FAM227A: variants seen among roughly 807,000 people sequenced by gnomAD.
The protein encoded by FAM227A is protein FAM227A.
In FAM227A, 80 loss-of-function variants were observed where a neutral mutation model predicts 74.7. That is an observed-to-expected ratio of 1.07 (90% CI 0.89 to 1.29). FAM227A has a LOEUF of 1.29. FAM227A is among the 50% of genes most tolerant of loss of function. The pLI, the probability that FAM227A is intolerant of heterozygous loss-of-function variation, is 0.00. For synonymous variants in FAM227A, 237 were observed against 241.8 expected (o/e 0.98, Z 0.19); for missense variants, 654 against 683.4 (o/e 0.96, Z 0.48).
intron 5 of FAM227A, 145 bp downstream of exon 5, chr22:38,638,601 T>G (rs2145663899): frequency 1.5e-6 from 1 of 668,916 alleles, no homozygotes; most frequent in South Asian, 1.7e-5. Flanking sequence ...AAGGGTGTTA[T>G]GAGAAATTCT....
chr22:38,592,966 G>A (rs2090969485), intron 15 of FAM227A, among the ~76,000 whole-genome samples: 1 of 152,160 alleles, frequency 6.6e-6, no homozygotes, highest in African/African-American at 2.4e-5. Flanking sequence ...TTATTCCATG[G>A]CTAAAACTTA....
intron 3 of FAM227A, among the ~76,000 whole-genome samples, chr22:38,643,287 G>A (rs1345779318): frequency 2.0e-5 from 3 of 151,248 alleles, no homozygotes. Flanking sequence ...CTGCACTCCT[G>A]CCCGGGTGAC....
rs868655898 is a variant in FAM227A at position 38,646,292 on chromosome 22, C to T, written c.143-647G>A. Among the ~76,000 whole-genome samples the T allele has an allele frequency of 4.5e-3, 570 of 125,872 alleles. 3 individuals are homozygous for T. The highest frequency in any genetic ancestry group is 0.017 in the African/African-American group (553 of 32,794). 82.6% of individuals were successfully genotyped at this position (125,872 alleles called of 152,430 possible). On this transcript the variant is annotated intron_variant, in intron 2 of 16. Transcript: ENST00000535113. ...TTTTTTTTTTTGAGACGGAGTCTCG[C>T]TCTGTCGCCCAGGCTGGAGTGCAGT... is the stretch of plus-strand genomic sequence containing the variant.
intron 13 of FAM227A, among the ~76,000 whole-genome samples, chr22:38,604,993 T>C (rs1207599643): frequency 5.9e-5 from 9 of 152,088 alleles, no homozygotes; most frequent in African/African-American, 2.2e-4. Flanking sequence ...TTACTTTTAG[T>C]ATCACTTATT....
Position 38,636,437 on chromosome 22 carries a change from T to C in FAM227A, c.519+14A>G. The C allele has an allele frequency of 6.5e-7, 1 of 1,550,130 alleles. No homozygotes were observed. The highest frequency in any genetic ancestry group is 8.7e-7 in the Non-Finnish European group (1 of 1,146,470). ...GGGTTGGCAAACTCAGGGCAGGCAC[T>C]GCTTTTTCCTCACCTTGCCACTAAG... On this transcript the variant is annotated intron_variant, in intron 6 of 16. Coordinates refer to ENST00000535113, the MANE Select transcript of FAM227A (RefSeq NM_001013647.2).
rs1212388105 is a variant in FAM227A, at chr22:38,639,674, G to A, written c.276C>T (p.Arg92=). 1 of 1,551,902 alleles carries A rather than the reference G, an allele frequency of 6.4e-7. No individual in the cohort carries two copies. The highest frequency in any genetic ancestry group is 8.7e-7 in the Non-Finnish European group (1 of 1,147,008). ...LEKKALREKT[R]SSPEDKVKRQ... is the part of the protein sequence containing the mutation. ...TTTTGCCTTTGTCTTCTGGACTGCT[G>A]CGAGTTTTCTCTCTTAAAGCCTTCT... is the stretch of plus-strand genomic sequence containing the variant. The change falls in exon 4 of 17, where the codon CGC becomes CGT. Residue 92 remains arginine (R), a synonymous_variant. Transcript: ENST00000535113.
rs933100331 is a variant in FAM227A, at chr22:38,591,654, T to C, written c.1533-114A>G. 2.5e-5 allele frequency: 18 copies of C among 711,246 alleles called. No homozygotes were observed. The highest frequency in any genetic ancestry group is 1.3e-4 in the African/African-American group (7 of 54,114). 44.1% of individuals were successfully genotyped at this position (711,246 alleles called of 1,614,324 possible). A position where few individuals can be genotyped will look rare whatever the true frequency, so the allele number is the denominator to read the frequency against. On this transcript the variant is annotated intron_variant, in intron 15 of 16. Coordinates refer to ENST00000535113, the MANE Select transcript of FAM227A (RefSeq NM_001013647.2). ...CACGTGACCATTTACAAAACATGCA[T>C]TGAAGTATAACATAGAAACTAGGAG...
intron 3 of FAM227A, among the ~76,000 whole-genome samples, chr22:38,640,120 G>A (rs532210587): frequency 1.1e-4 from 16 of 151,740 alleles, no homozygotes; most frequent in South Asian, 4.2e-4. Context: ...TGCAAGCTCC[G>A]CCTCCTGGGT....
chr22:38,597,912 A>G (rs1329905725), intron 14 of FAM227A, among the ~76,000 whole-genome samples: 1 of 152,068 alleles, frequency 6.6e-6, no homozygotes, highest in Non-Finnish European at 1.5e-5. Flanking sequence ...GCATGGTGGC[A>G]CATGCCTGTA....
At chr22:38,626,029 A>T in intron 9 of FAM227A, 151 bp downstream of exon 9, 1 of 724,994 alleles carries the variant, frequency 1.4e-6, no homozygotes, top group Non-Finnish European at 2.2e-6. Context: ...TTGGGGCTCC[A>T]ACCACATACT....
chr22:38,616,880 T>C (rs2091589064), intron 11 of FAM227A, among the ~76,000 whole-genome samples: 1 of 151,172 alleles, frequency 6.6e-6, no homozygotes, highest in South Asian at 2.1e-4. Context: ...GGGACTGACC[T>C]GGGAGGGGAG....
Position 38,582,927 on chromosome 22 carries a change from G to C in FAM227A, c.*3198C>G. 6.4e-7 allele frequency: 1 copy of C among 1,550,546 alleles called. No homozygotes were observed. Among genetic ancestry groups the C allele is most frequent in the Non-Finnish European group, 8.7e-7 (1 of 1,147,000 alleles). ...ACGTCTAAGCGGGGTCCTGGAGGAAGAGCAGGAATTAGTGATGTTGGCAGT... is the reference window on the plus strand; with the variant it reads ...ACGTCTAAGCGGGGTCCTGGAGGAACAGCAGGAATTAGTGATGTTGGCAGT... On this transcript the variant is annotated 3_prime_UTR_variant, in exon 17 of 17. Transcript: ENST00000535113.
chr22:38,628,144 C>T, intron 8 of FAM227A, 94 bp downstream of exon 8: 1 of 761,284 alleles, frequency 1.3e-6, no homozygotes, highest in Non-Finnish European at 2.2e-6. Flanking sequence ...ACTAATTACT[C>T]CCTTATGTAA....
intron 2 of FAM227A, among the ~76,000 whole-genome samples, chr22:38,647,289 A>C (rs1299897482): frequency 6.6e-6 from 1 of 152,020 alleles, no homozygotes; most frequent in African/African-American, 2.4e-5. Context: ...ACATGGTGAA[A>C]TCCCGTCTCT....
chr22:38,616,356 G>A (rs999875050), intron 11 of FAM227A, among the ~76,000 whole-genome samples: 2 of 152,116 alleles, frequency 1.3e-5, no homozygotes, highest in Non-Finnish European at 2.9e-5. Flanking sequence ...AGAGATGGGG[G>A]TACAGAGGCA....
chr22:38,655,392 A>G lies in FAM227A; in HGVS notation c.-95+728T>C, dbSNP rs141441187. ...TAAAAATACAAAAAATTAGCCGGGC[A>G]TGGTGGTGGGTGCCTGTAATTCCAG... On this transcript the variant is annotated intron_variant, in intron 1 of 16. Transcript: ENST00000535113. Among the ~76,000 whole-genome samples, 830 of 151,776 alleles carry G rather than the reference A, an allele frequency of 5.5e-3. 6 individuals carry two copies. The highest frequency in any genetic ancestry group is 0.019 in the African/African-American group (784 of 41,446).
intron 2 of FAM227A, 104 bp downstream of exon 2, chr22:38,649,923 A>T (rs1395218915): frequency 2.0e-6 from 2 of 1,012,516 alleles, no homozygotes; most frequent in Non-Finnish European, 2.9e-6. Flanking sequence ...GGACAAGCTA[A>T]TAAGTAATGT....
chr22:38,651,592 C>A (rs1198808894), intron 1 of FAM227A, among the ~76,000 whole-genome samples: 1 of 151,936 alleles, frequency 6.6e-6, no homozygotes, highest in East Asian at 1.9e-4. Context: ...GAACTCCTGA[C>A]CTCAGGTGAT....
chr22:38,629,006 T>C lies in FAM227A; in HGVS notation c.520-71A>G. 4 of 988,154 alleles carry C rather than the reference T, an allele frequency of 4.0e-6. No individual in the cohort carries two copies. The South Asian group carries it at 6.3e-5, about 16-fold the overall frequency. The allele number at this position is 988,154 out of a possible 1,614,324, so 61.2% of individuals were successfully genotyped here. A position where few individuals can be genotyped will look rare whatever the true frequency, so the allele number is the denominator to read the frequency against. On this transcript the variant is annotated intron_variant, in intron 6 of 16. Coordinates refer to ENST00000535113, the MANE Select transcript of FAM227A (RefSeq NM_001013647.2). ...AAAAATCCATCTGGAGTCAATGTAT[T>C]TTAGAATGAACAGAAAAACCACCTA...
Sources: gnomAD v4.1 joint callset for allele counts (sites outside exome capture counted in the v4.1 genomes callset) on GRCh38, gnomAD v4.1.1 for gene constraint, MANE v1.5 for transcripts, NCBI Gene and HGNC (gene_info 2026-07-23, HGNC 2026-07-21) for gene names.